ADGRB3: variants seen among roughly 807,000 people sequenced by gnomAD.
ADGRB3 encodes the protein brain-specific angiogenesis inhibitor 3.
In ADGRB3, 37 loss-of-function variants were observed where a neutral mutation model predicts 193.4. That is an observed-to-expected ratio of 0.19 (90% CI 0.15 to 0.25). The LOEUF is 0.25. Among genes scored for constraint, ADGRB3 ranks in the 10% least tolerant of loss-of-function variants. The pLI, the probability that ADGRB3 is intolerant of heterozygous loss-of-function variation, is 1.00. For missense variants in ADGRB3, 1,637 were observed against 1,852.9 expected (o/e 0.88, Z 2.14); for synonymous variants, 690 against 644.2 (o/e 1.07, Z -1.08).
intron 15 of ADGRB3, among the ~76,000 whole-genome samples, chr6:69,056,581 T>C (rs1220605745): frequency 6.6e-6 from 1 of 152,216 alleles, no homozygotes; most frequent in Non-Finnish European, 1.5e-5. Flanking sequence ...CTATGTTTTC[T>C]TTTAAAAGTT....
chr6:68,776,399 A>G (rs9454616), intron 3 of ADGRB3, among the ~76,000 whole-genome samples: 119,956 of 152,080 alleles, frequency 0.79, 47,526 homozygotes, highest in Middle Eastern at 0.91. Context: ...CTGAGGAATA[A>G]ACTAGGAACC....
At chr6:69,201,682 G>T (rs1765419711) in intron 17 of ADGRB3, among the ~76,000 whole-genome samples, 1 of 151,982 alleles carries the variant, frequency 6.6e-6, no homozygotes, top group African/African-American at 2.4e-5. Context: ...TCTGTTCCAG[G>T]ATTATAACCA....
At position 69,332,016 on chromosome 6, in the gene ADGRB3, T is replaced by A. The variant is rs1768741186; in HGVS notation, c.3103-907T>A. ...ACACATTTTAGCTTTATATTCACCA[T>A]CTTCATTGGCAGCAGGGCAGGGTTA... On this transcript the variant is annotated intron_variant, in intron 23 of 31. Coordinates refer to ENST00000370598, the MANE Select transcript of ADGRB3 (RefSeq NM_001704.3). 3 of 985,238 alleles carry A rather than the reference T, an allele frequency of 3.0e-6. No individual in the cohort carries two copies. The African/African-American group carries it at 5.2e-5, about 17-fold the overall frequency. The allele number at this position is 985,238 out of a possible 1,614,324, so 61.0% of individuals were successfully genotyped here. A position where few individuals can be genotyped will look rare whatever the true frequency, so the allele number is the denominator to read the frequency against.
chr6:68,984,866 G>T (rs1464162291), intron 10 of ADGRB3, among the ~76,000 whole-genome samples: 1 of 150,542 alleles, frequency 6.6e-6, no homozygotes, highest in African/African-American at 2.5e-5. Flanking sequence ...AGTGGGTTTT[G>T]TGTGGGAGAG....
At chr6:68,776,512 T>C (rs1239819001) in intron 3 of ADGRB3, among the ~76,000 whole-genome samples, 1 of 152,158 alleles carries the variant, frequency 6.6e-6, no homozygotes, top group Non-Finnish European at 1.5e-5. Context: ...TTCAGAAATA[T>C]GTGCACCCAG....
At chr6:69,337,622 A>G (rs1360932919) in intron 24 of ADGRB3, among the ~76,000 whole-genome samples, 1 of 152,162 alleles carries the variant, frequency 6.6e-6, no homozygotes, top group Non-Finnish European at 1.5e-5. Flanking sequence ...TGGCAACTAC[A>G]TGTGCCCTGG....
chr6:69,052,320 A>G (rs1025353837), intron 15 of ADGRB3, among the ~76,000 whole-genome samples: 4 of 152,224 alleles, frequency 2.6e-5, no homozygotes, highest in Non-Finnish European at 2.9e-5. Context: ...TAATTTTACT[A>G]TATGTTTGTG....
intron 8 of ADGRB3, among the ~76,000 whole-genome samples, chr6:68,972,402 G>T (rs1336291795): frequency 6.6e-6 from 1 of 151,654 alleles, no homozygotes; most frequent in East Asian, 1.9e-4. Flanking sequence ...AGCCAGGAGG[G>T]CATGGCCAGG....
chr6:68,886,941 C>T (rs900975844), intron 3 of ADGRB3, among the ~76,000 whole-genome samples: 16 of 151,182 alleles, frequency 1.1e-4, no homozygotes, highest in African/African-American at 3.6e-4. Context: ...GTTCTAGTAA[C>T]CTTCTGGTTT....
At chr6:68,691,311 A>C (rs935964290) in intron 3 of ADGRB3, among the ~76,000 whole-genome samples, 3 of 152,038 alleles carry the variant, frequency 2.0e-5, no homozygotes, top group Non-Finnish European at 4.4e-5. Context: ...CTGACTTTGT[A>C]AGAGTGCTAA....
At chr6:68,645,703 A>C (rs865789591) in intron 3 of ADGRB3, among the ~76,000 whole-genome samples, 1 of 152,054 alleles carries the variant, frequency 6.6e-6, no homozygotes, top group South Asian at 2.1e-4. Context: ...ACGGAGTTGC[A>C]TTCTTGTTGC....
chr6:69,060,817 A>G (rs950412803), intron 15 of ADGRB3, among the ~76,000 whole-genome samples: 1 of 152,078 alleles, frequency 6.6e-6, no homozygotes, highest in African/African-American at 2.4e-5. Flanking sequence ...TGGTAATGAC[A>G]GGTGGATATT....
chr6:69,115,976 G>A (rs1022060468), intron 17 of ADGRB3, among the ~76,000 whole-genome samples: 4 of 152,224 alleles, frequency 2.6e-5, no homozygotes, highest in Non-Finnish European at 4.4e-5. Flanking sequence ...CAATTATGGA[G>A]GCTGGTAAGT....
intron 29 of ADGRB3, 75 bp from the exon 30 acceptor site, chr6:69,372,331 A>AT (rs1197751811): frequency 7.3e-6 from 6 of 821,218 alleles, no homozygotes; most frequent in Non-Finnish European, 1.1e-5. Context: ...GAAAATGATG[A>AT]TTTTTCATTT....
At chr6:68,659,891 A>G (rs1390534790) in intron 3 of ADGRB3, among the ~76,000 whole-genome samples, 1 of 147,878 alleles carries the variant, frequency 6.8e-6, no homozygotes, top group African/African-American at 2.6e-5. Context: ...AGGAAGGATT[A>G]ACTACTATTA....
chr6:69,203,431 T>C (rs1765473829), intron 17 of ADGRB3, among the ~76,000 whole-genome samples: 1 of 151,638 alleles, frequency 6.6e-6, no homozygotes, highest in Non-Finnish European at 1.5e-5. Flanking sequence ...CTTCTTTCTA[T>C]TAGTCTCTCC....
At chr6:69,365,406 G>T (rs969668504) in intron 29 of ADGRB3, among the ~76,000 whole-genome samples, 9 of 152,010 alleles carry the variant, frequency 5.9e-5, no homozygotes, top group Non-Finnish European at 2.9e-5. Flanking sequence ...CTTTGTATCT[G>T]TCCAGCCTAG....
chr6:68,678,684 C>A (rs549526356), intron 3 of ADGRB3, among the ~76,000 whole-genome samples: 1 of 152,130 alleles, frequency 6.6e-6, no homozygotes, highest in African/African-American at 2.4e-5. Context: ...GATCTAACAG[C>A]CAGTTTTGCA....
chr6:68,727,386 G>C (rs1765692090), intron 3 of ADGRB3, among the ~76,000 whole-genome samples: 1 of 151,522 alleles, frequency 6.6e-6, no homozygotes, highest in African/African-American at 2.4e-5. Context: ...AGAAACATAT[G>C]TCATTGAATG....
Sources: allele counts gnomAD v4.1 joint callset (sites outside exome capture counted in the v4.1 genomes callset), GRCh38; gene constraint gnomAD v4.1.1; transcripts MANE v1.5; gene names NCBI Gene and HGNC (gene_info 2026-07-23, HGNC 2026-07-21).